NHSL2: variants seen among roughly 807,000 people sequenced by gnomAD.
The protein encoded by NHSL2 is NHS like 2.
NHSL2 carries 27 observed loss-of-function variants against 53.4 expected under a neutral mutation model. That is an observed-to-expected ratio of 0.51 (90% CI 0.37 to 0.70). The LOEUF (loss-of-function observed/expected upper bound fraction) is 0.70. Among genes scored for constraint, NHSL2 ranks in the 30% least tolerant of loss-of-function variants. NHSL2 has a pLI of 0.00. For synonymous variants in NHSL2, 408 were observed against 404.1 expected, an observed-to-expected ratio of 1.01 and a Z score of -0.12; for missense variants, 892 against 980.1, an observed-to-expected ratio of 0.91 and a Z score of 1.20.
intron 1 of NHSL2, among the ~76,000 whole-genome samples, chrX:72,093,733 T>A (rs12400520): frequency 1.1e-5 from 1 of 87,379 alleles, no homozygotes; most frequent in South Asian, 5.7e-4. Flanking sequence ...TTTCTTTCTT[T>A]CTTTCTTTCT....
At chrX:71,944,201 T>A (rs1056226724) in intron 1 of NHSL2, among the ~76,000 whole-genome samples, 1 of 112,365 alleles carries the variant, frequency 8.9e-6, no homozygotes, top group African/African-American at 3.2e-5. Flanking sequence ...AGTGACTGAT[T>A]TAGACCAATC....
intron 1 of NHSL2, among the ~76,000 whole-genome samples, chrX:72,032,119 C>T (rs990883815): frequency 7.7e-4 from 85 of 110,895 alleles, no homozygotes; most frequent in Non-Finnish European, 9.6e-4. Context: ...AAGCCAGGCG[C>T]GGTGGTTCAT....
At chrX:71,979,109 C>G (rs1180227063) in intron 1 of NHSL2, among the ~76,000 whole-genome samples, 1 of 110,778 alleles carries the variant, frequency 9.0e-6, no homozygotes, top group African/African-American at 3.3e-5. Flanking sequence ...TTTATGGCTG[C>G]ATAGTATTCC....
At chrX:72,031,252 G>A (rs2042213458) in intron 1 of NHSL2, among the ~76,000 whole-genome samples, 2 of 111,314 alleles carry the variant, frequency 1.8e-5, no homozygotes, top group Admixed American at 1.9e-4. Flanking sequence ...TTTGGGAGGT[G>A]TCTTGGGGCC....
At chrX:72,049,015 G>GAAGAAGAA (rs766144046) in intron 1 of NHSL2, among the ~76,000 whole-genome samples, 20 of 82,793 alleles carry the variant, frequency 2.4e-4, no homozygotes, top group African/African-American at 1.3e-3. Flanking sequence ...AAGAAGAAGA[G>GAAGAAGAA]GAAGAGGAAG....
intron 1 of NHSL2, among the ~76,000 whole-genome samples, chrX:72,031,541 G>C (rs928112485): frequency 8.9e-6 from 1 of 111,884 alleles, no homozygotes; most frequent in Non-Finnish European, 1.9e-5. Context: ...GCTTGGACAA[G>C]CTTTGAACCT....
chrX:71,915,569 G>T (rs971689853), intron 1 of NHSL2, among the ~76,000 whole-genome samples: 1 of 112,252 alleles, frequency 8.9e-6, no homozygotes, highest in African/African-American at 3.2e-5. Flanking sequence ...ATGGCTCAAA[G>T]CTCACATGGA....
At chrX:71,992,140 A>T (rs1424038787) in intron 1 of NHSL2, among the ~76,000 whole-genome samples, 2 of 112,528 alleles carry the variant, frequency 1.8e-5, no homozygotes, top group Non-Finnish European at 3.8e-5. Context: ...GTGGGCAGAG[A>T]GGGCTGGTGT....
chrX:72,092,749 C>G (rs776569943), intron 1 of NHSL2, among the ~76,000 whole-genome samples: 2 of 105,793 alleles, frequency 1.9e-5, no homozygotes, highest in East Asian at 5.5e-4. Flanking sequence ...TCAGCAAATT[C>G]ATTAACTGCA....
At chrX:71,990,492 A>C (rs923085317) in intron 1 of NHSL2, among the ~76,000 whole-genome samples, 3 of 110,181 alleles carry the variant, frequency 2.7e-5, no homozygotes, top group African/African-American at 1.0e-4. Flanking sequence ...GCCTCATAAC[A>C]ACCCTTCTCC....
chrX:72,010,987 C>T (rs1337239862), intron 1 of NHSL2, among the ~76,000 whole-genome samples: 1 of 112,366 alleles, frequency 8.9e-6, no homozygotes, highest in Non-Finnish European at 1.9e-5. Context: ...TTCTAAAATA[C>T]AGTTGTTTCA....
chrX:72,071,749 A>G lies in NHSL2; in HGVS notation c.281-60330A>G, dbSNP rs142505619. ...TCTTCCATTTTCGCTTAGTGACCCC[A>G]CTGTCTTTCCAGTAACCCAAACTAG... On this transcript the variant is annotated intron_variant, in intron 1 of 7. Transcript: ENST00000633930. Among the ~76,000 whole-genome samples the G allele has an allele frequency of 8.8e-3, 976 of 111,272 alleles. 16 individuals are homozygous for G. The highest frequency in any genetic ancestry group is 0.03 in the African/African-American group (924 of 30,513).
chrX:72,100,572 G>A (rs1016793403), intron 1 of NHSL2, among the ~76,000 whole-genome samples: 3 of 112,165 alleles, frequency 2.7e-5, no homozygotes, highest in African/African-American at 9.8e-5. Context: ...GAGGTGAGTG[G>A]CAGGCGGGCG....
At chrX:72,061,614 G>T (rs2042399559) in intron 1 of NHSL2, among the ~76,000 whole-genome samples, 1 of 111,978 alleles carries the variant, frequency 8.9e-6, no homozygotes, top group Admixed American at 9.4e-5. Context: ...TAGCAGACAT[G>T]GTGGTCTTTT....
intron 1 of NHSL2, among the ~76,000 whole-genome samples, chrX:72,079,374 G>A (rs779349180): frequency 1.8e-5 from 2 of 112,316 alleles, no homozygotes; most frequent in Admixed American, 9.4e-5. Context: ...AGGGAAGATC[G>A]GCAGGGTTCT....
intron 1 of NHSL2, among the ~76,000 whole-genome samples, chrX:72,099,077 T>C (rs898452335): frequency 5.3e-5 from 6 of 112,194 alleles, no homozygotes; most frequent in Non-Finnish European, 1.1e-4. Flanking sequence ...TCCCCTTGTG[T>C]AGATGCACCA....
intron 1 of NHSL2, among the ~76,000 whole-genome samples, chrX:72,064,545 G>T (rs1055981242): frequency 8.9e-6 from 1 of 112,184 alleles, no homozygotes; most frequent in Non-Finnish European, 1.9e-5. Context: ...GGTAGTTCTT[G>T]TCCCAGCTCT....
intron 1 of NHSL2, among the ~76,000 whole-genome samples, chrX:72,116,830 A>G (rs1470482794): frequency 8.9e-6 from 1 of 111,818 alleles, no homozygotes; most frequent in Non-Finnish European, 1.9e-5. Context: ...GGAGGGAGAA[A>G]GAATCCAGCT....
chrX:71,978,047 TAA>T (rs969362341), intron 1 of NHSL2, among the ~76,000 whole-genome samples: 1 of 110,996 alleles, frequency 9.0e-6, no homozygotes, highest in Non-Finnish European at 1.9e-5. Context: ...GTCTCATGTG[TAA>T]AAAAAAGAGA....
Sources: gnomAD v4.1 joint callset for allele counts (sites outside exome capture counted in the v4.1 genomes callset) on GRCh38, gnomAD v4.1.1 for gene constraint, MANE v1.5 for transcripts, NCBI Gene and HGNC (gene_info 2026-07-23, HGNC 2026-07-21) for gene names.